VPS13D: variants seen among roughly 807,000 people sequenced by gnomAD.
VPS13D encodes the protein intermembrane lipid transfer protein VPS13D.
In VPS13D, 187 loss-of-function variants were observed where a neutral mutation model predicts 461.9. That is an observed-to-expected ratio of 0.40 (90% CI 0.36 to 0.46). The LOEUF is 0.46. Ranked by LOEUF, VPS13D falls within the 20% of genes least tolerant of loss-of-function variation. VPS13D has a pLI of 0.60. For synonymous variants in VPS13D, 1,951 were observed against 1,986.3 expected (o/e 0.98, Z 0.47); for missense variants, 4,711 against 5,364.9 (o/e 0.88, Z 3.81).
chr1:12,268,857 G>T lies in VPS13D; in HGVS notation c.1953G>T (p.Lys651Asn). The part of the protein sequence containing the change: ...AIKKVADFFY[K>N]GKVHTSGFGY... ...AAAAAGTAGCAGACTTTTTCTACAA[G>T]GGAAAGGTTCATACCTCAGGTTAAC... The change falls in exon 16 of 70, where the codon AAG becomes AAT. Residue 651 changes from lysine (K) to asparagine (N), a missense_variant. Lys to Asn is a moderately conservative substitution (Grantham distance 94, BLOSUM62 0). Coordinates refer to ENST00000620676, the MANE Select transcript of VPS13D (RefSeq NM_015378.4). The T allele has an allele frequency of 6.2e-7, 1 of 1,612,440 alleles. No individual in the cohort carries two copies. Among genetic ancestry groups the T allele is most frequent in the South Asian group, 1.1e-5 (1 of 90,612 alleles).
chr1:12,364,552 A>C (rs1231889570), intron 52 of VPS13D, among the ~76,000 whole-genome samples: 6 of 152,118 alleles, frequency 3.9e-5, no homozygotes, highest in African/African-American at 1.4e-4. Context: ...TTTTTTGAGG[A>C]ACCACCATAG....
intron 67 of VPS13D, among the ~76,000 whole-genome samples, chr1:12,493,715 C>T (rs991706524): frequency 6.6e-6 from 1 of 152,314 alleles, no homozygotes; most frequent in African/African-American, 2.4e-5. Context: ...AAGAACTTCA[C>T]TTTAAACTTT....
chr1:12,406,185 G>A (rs978412248), intron 63 of VPS13D, among the ~76,000 whole-genome samples: 1 of 152,144 alleles, frequency 6.6e-6, no homozygotes, highest in African/African-American at 2.4e-5. Flanking sequence ...GGACTAAAGA[G>A]TTAAATTCTC....
chr1:12,336,173 C>G (rs951788235), intron 39 of VPS13D: 1 of 191,600 alleles, frequency 5.2e-6, no homozygotes, highest in South Asian at 1.1e-4. Context: ...TCTAATTGAT[C>G]GGATTTTTTT....
In VPS13D at chr1:12,386,233, G is replaced by A; in HGVS notation, c.11533G>A (p.Val3845Ile). 6.2e-7 allele frequency: 1 copy of A among 1,613,624 alleles called. No homozygotes were observed. Among genetic ancestry groups the A allele is most frequent in the South Asian group, 1.1e-5 (1 of 90,948 alleles). The change falls in exon 60 of 70, where the codon GTC (valine) becomes ATC (isoleucine). Residue 3845 changes from valine (V) to isoleucine (I), a missense_variant. Physicochemically the swap from Val to Ile is conservative, Grantham distance 29. Transcript: ENST00000620676. ...GGIGLSLINK[V>I]PEELVFASLT... ...AATTGGGTTGTCCTTAATTAATAAA[G>A]TCCCAGAAGAACTGGTCTTTGCAAG...
chr1:12,343,134 C>T (rs1643607364), intron 42 of VPS13D, 83 bp downstream of exon 42: 4 of 1,132,194 alleles, frequency 3.5e-6, no homozygotes, highest in Non-Finnish European at 4.7e-6. Context: ...TTTTACTTTC[C>T]TTATAAATGA....
chr1:12,482,013 C>G (rs1372103604), intron 67 of VPS13D, among the ~76,000 whole-genome samples: 1 of 152,190 alleles, frequency 6.6e-6, no homozygotes, highest in Non-Finnish European at 1.5e-5. Flanking sequence ...GCATGCTGCT[C>G]CAAGCTGGCT....
At chr1:12,506,800 G>A in intron 68 of VPS13D, 53 bp from the exon 69 acceptor site, 1 of 1,588,026 alleles carries the variant, frequency 6.3e-7, no homozygotes, top group Non-Finnish European at 8.6e-7. Context: ...GCCTCCCCCT[G>A]ATGCTGGGCG....
At chr1:12,453,561 T>C (rs950269879) in intron 65 of VPS13D, among the ~76,000 whole-genome samples, 30 of 152,330 alleles carry the variant, frequency 2.0e-4, no homozygotes, top group African/African-American at 7.0e-4. Flanking sequence ...CGTTTTTGTC[T>C]GGAACCTGAA....
At position 12,321,790 on chromosome 1, in the gene VPS13D, A is replaced by G. The variant is rs774119032; in HGVS notation, c.7549-19A>G. On this transcript the variant is annotated intron_variant, in intron 32 of 69. Transcript: ENST00000620676. ...TAAATCAGACATTAATTCTCGCCAT[A>G]TTGCATTTCATTCTGTAGGTGTTTT... 1.3e-6 allele frequency: 2 copies of G among 1,590,734 alleles called. No individual in the cohort carries two copies. The highest frequency in any genetic ancestry group is 1.4e-5 in the African/African-American group (1 of 73,264).
intron 25 of VPS13D, among the ~76,000 whole-genome samples, chr1:12,303,358 A>G (rs918798672): frequency 1.3e-5 from 2 of 152,204 alleles, no homozygotes; most frequent in African/African-American, 4.8e-5. Context: ...TTCTAAGTCA[A>G]AATCTTTGAA....
In VPS13D at chr1:12,509,089, C is replaced by A; in HGVS notation, c.*65C>A. The A allele has an allele frequency of 6.4e-7, 1 of 1,555,378 alleles. No individual in the cohort carries two copies. The highest frequency in any genetic ancestry group is 1.2e-5 in the South Asian group (1 of 80,408). On this transcript the variant is annotated 3_prime_UTR_variant, in exon 70 of 70. Coordinates refer to ENST00000620676, the MANE Select transcript of VPS13D (RefSeq NM_015378.4). ...ACCCACCAGGAGGAAAGAGGCCCAG[C>A]TCTCAGCTGACGATGGAGGCAGAAC...
chr1:12,491,920 C>T (rs753368681), intron 67 of VPS13D, among the ~76,000 whole-genome samples: 2 of 152,210 alleles, frequency 1.3e-5, no homozygotes, highest in African/African-American at 2.4e-5. Flanking sequence ...TTAAATATAC[C>T]GCAGACCTTT....
Position 12,368,612 on chromosome 1 carries a change from C to T in VPS13D, c.10572+21C>T, listed in dbSNP as rs1409270430. The T allele has an allele frequency of 1.9e-6, 3 of 1,605,734 alleles. No homozygotes were observed. In the African/African-American group the frequency reaches 4.0e-5, roughly 21 times the overall value. Reference sequence around the variant, plus strand: ...CTAAGGTATCAAGTGGAGCTGAGAGCCAGTTTGACTGTTTCATGTGTGGGA... The same window carrying T: ...CTAAGGTATCAAGTGGAGCTGAGAGTCAGTTTGACTGTTTCATGTGTGGGA... On this transcript the variant is annotated intron_variant, in intron 53 of 69. Coordinates refer to ENST00000620676, the MANE Select transcript of VPS13D (RefSeq NM_015378.4).
At chr1:12,491,682 A>G (rs1570276628) in intron 67 of VPS13D, among the ~76,000 whole-genome samples, 2 of 152,224 alleles carry the variant, frequency 1.3e-5, no homozygotes, top group Admixed American at 1.3e-4. Flanking sequence ...GGATATCTGC[A>G]GTGTATCAGC....
At chr1:12,396,357 G>T (rs779994777) in intron 60 of VPS13D, among the ~76,000 whole-genome samples, 4 of 152,102 alleles carry the variant, frequency 2.6e-5, no homozygotes, top group Non-Finnish European at 4.4e-5. Context: ...TTGAGTAAAT[G>T]CTCCTTAGAT....
intron 60 of VPS13D, among the ~76,000 whole-genome samples, chr1:12,392,545 T>TAAAA (rs139602760): frequency 7.7e-6 from 1 of 129,298 alleles, no homozygotes; most frequent in South Asian, 2.5e-4. Context: ...GTATAAATGT[T>TAAAA]AAAAAAAAAA....
intron 67 of VPS13D, among the ~76,000 whole-genome samples, chr1:12,487,207 T>G (rs1038022141): frequency 5.3e-5 from 8 of 152,194 alleles, no homozygotes; most frequent in African/African-American, 1.9e-4. Flanking sequence ...TTGAAGCATC[T>G]GCTCCTGTTG....
chr1:12,499,646 T>G, intron 68 of VPS13D: 1 of 985,434 alleles, frequency 1.0e-6, no homozygotes, highest in Non-Finnish European at 1.2e-6. Context: ...TTGGCATGAA[T>G]GAATTTTGAC....
Sources: allele counts gnomAD v4.1 joint callset (sites outside exome capture counted in the v4.1 genomes callset), GRCh38; gene constraint gnomAD v4.1.1; transcripts MANE v1.5; gene names NCBI Gene and HGNC (gene_info 2026-07-23, HGNC 2026-07-21).